The following C12orf56 variants were observed in gnomAD, a reference collection of about 807,000 sequenced individuals.
C12orf56 encodes the protein uncharacterized protein C12orf56.
A neutral mutation model predicts 69.9 loss-of-function variants in C12orf56; 71 were observed. The ratio of observed to expected loss-of-function variants is 1.02; its 90% CI spans 0.84 to 1.24. C12orf56 has a LOEUF of 1.24. Among genes scored for constraint, C12orf56 ranks in the 50% most tolerant of loss-of-function variants. The probability of loss-of-function intolerance (pLI) is 0.00; values close to 1 mark genes in which losing one functional copy is unlikely to be tolerated. For synonymous variants in C12orf56, 276 were observed against 274.1 expected (o/e 1.01, Z -0.07); for missense variants, 732 against 738.5 (o/e 0.99, Z 0.10).
chr12:64,353,066 A>T lies in C12orf56; in HGVS notation c.253-10T>A, dbSNP rs371390235. ...CCGGGTAATCATCAATCTGGAAAAA[A>T]AATTAATTCACCTCATTGAAGACAA... On this transcript the variant is annotated splice_polypyrimidine_tract_variant and intron_variant, in intron 1 of 12. Coordinates refer to ENST00000543942, the MANE Select transcript of C12orf56 (RefSeq NM_001170633.2). The T allele has an allele frequency of 1.9e-6, 3 of 1,610,046 alleles. No homozygotes were observed. The African/African-American group carries it at 4.0e-5, about 22-fold the overall frequency.
At chr12:64,307,851 T>C (rs1210262096) in intron 5 of C12orf56, among the ~76,000 whole-genome samples, 1 of 150,898 alleles carries the variant, frequency 6.6e-6, no homozygotes, top group Non-Finnish European at 1.5e-5. Flanking sequence ...AATAAATAAA[T>C]AAATTAATTA....
At chr12:64,270,406 GAACA>G (rs2037968735) in intron 12 of C12orf56, 126 bp downstream of exon 12, 8 of 880,642 alleles carry the variant, frequency 9.1e-6, no homozygotes, top group Middle Eastern at 3.6e-4. Flanking sequence ...ATCTCAAAAA[GAACA>G]AACAAACAAA....
chr12:64,324,985 A>G (rs1459083913), intron 3 of C12orf56, among the ~76,000 whole-genome samples: 3 of 152,170 alleles, frequency 2.0e-5, no homozygotes, highest in Non-Finnish European at 4.4e-5. Flanking sequence ...TCATCTAGGT[A>G]GCTACCAAAA....
At position 64,318,512 on chromosome 12, in the gene C12orf56, T is replaced by G. The variant is rs553950531; in HGVS notation, c.894+63A>C. The G allele has an allele frequency of 4.4e-6, 6 of 1,365,140 alleles. No homozygotes were observed. In the East Asian group the frequency reaches 1.5e-4, roughly 34 times the overall value. The allele number at this position is 1,365,140 out of a possible 1,614,324, so 84.6% of individuals were successfully genotyped here. A position where few individuals can be genotyped will look rare whatever the true frequency, so the allele number is the denominator to read the frequency against. On this transcript the variant is annotated intron_variant, in intron 4 of 12. Transcript: ENST00000543942. ...GGGAGGTAAAGGAGGGAGGAGGGCT[T>G]GTTTGCTCTAAAAAATAAAAATATA...
At chr12:64,341,715 C>A (rs7488541) in intron 2 of C12orf56, among the ~76,000 whole-genome samples, 2,136 of 152,258 alleles carry the variant, frequency 0.014, 52 homozygotes, top group African/African-American at 0.049. Flanking sequence ...CTGATGAGGA[C>A]AAACCTCTGC....
chr12:64,379,408 CTG>C (rs2039682241), intron 1 of C12orf56, among the ~76,000 whole-genome samples: 1 of 151,988 alleles, frequency 6.6e-6, no homozygotes, highest in Admixed American at 6.6e-5. Flanking sequence ...CCTCAGCCTC[CTG>C]CGTAGCTGGG....
chr12:64,313,285 A>AGAAG (rs2038646733), intron 4 of C12orf56, among the ~76,000 whole-genome samples: 3 of 149,816 alleles, frequency 2.0e-5, no homozygotes, highest in African/African-American at 7.3e-5. Flanking sequence ...AAAGAAAGAA[A>AGAAG]GAAAGAAAGA....
Position 64,371,932 on chromosome 12 carries a change from C to T in C12orf56, c.252+18382G>A, listed in dbSNP as rs556664959. On this transcript the variant is annotated intron_variant, in intron 1 of 12. Transcript: ENST00000543942. Reference sequence around the variant, plus strand: ...TTTTTTTTTTTTTTTTTTGCACGCACCACCACATGCAGCTAATTTTTGTAT... The same window carrying T: ...TTTTTTTTTTTTTTTTTTGCACGCATCACCACATGCAGCTAATTTTTGTAT... Among the ~76,000 whole-genome samples the T allele has an allele frequency of 4.9e-4, 73 of 147,496 alleles. No homozygotes were observed. In the South Asian group the frequency reaches 0.015, roughly 30 times the overall value.
intron 2 of C12orf56, chr12:64,338,800 A>G: frequency 8.2e-7 from 1 of 1,221,170 alleles, no homozygotes; most frequent in Non-Finnish European, 1.2e-6. Flanking sequence ...CCATGGTGAG[A>G]GCAAAGCTAG....
rs377465987 is a variant in C12orf56, at chr12:64,390,493, G to C, written c.73C>G (p.Leu25Val). 1.5e-5 allele frequency: 24 copies of C among 1,602,234 alleles called. No individual in the cohort carries two copies. The highest frequency in any genetic ancestry group is 8.0e-5 in the African/African-American group (6 of 74,908). Residue 25 changes from leucine to valine, a missense_variant, in exon 1 of 13, where the codon CTG (leucine) becomes GTG (valine). Leu to Val is a conservative substitution (Grantham distance 32). Coordinates refer to ENST00000543942, the MANE Select transcript of C12orf56 (RefSeq NM_001170633.2). ...SRLDVFLRRH[L>V]PPEVYDAVRA... ...ACCGCGTCGTAGACCTCGGGCGGCAGATGCCGCCGCAGGAACACATCCAGG... is the reference window on the plus strand; with the variant it reads ...ACCGCGTCGTAGACCTCGGGCGGCACATGCCGCCGCAGGAACACATCCAGG...
intron 1 of C12orf56, among the ~76,000 whole-genome samples, chr12:64,369,957 T>C (rs1005050575): frequency 7.0e-6 from 1 of 142,330 alleles, no homozygotes; most frequent in African/African-American, 2.6e-5. Flanking sequence ...CACTCCAGCC[T>C]GGGAGATAGC....
At chr12:64,272,764 T>C (rs548363020) in intron 11 of C12orf56, among the ~76,000 whole-genome samples, 2 of 152,218 alleles carry the variant, frequency 1.3e-5, no homozygotes, top group Admixed American at 1.3e-4. Context: ...TTCTGTGAAA[T>C]GGTCTGAGAT....
chr12:64,363,923 A>C (rs1179783580), intron 1 of C12orf56, among the ~76,000 whole-genome samples: 1 of 152,104 alleles, frequency 6.6e-6, no homozygotes, highest in Non-Finnish European at 1.5e-5. Flanking sequence ...ATTTCCTCAA[A>C]TAGATAACTC....
intron 1 of C12orf56, among the ~76,000 whole-genome samples, chr12:64,353,838 C>T (rs1289486911): frequency 1.3e-5 from 2 of 152,084 alleles, no homozygotes; most frequent in African/African-American, 4.8e-5. Context: ...CCTGCGATCA[C>T]GCCCAGCTAA....
chr12:64,349,615 G>A (rs1345605205), intron 2 of C12orf56, among the ~76,000 whole-genome samples: 3 of 152,184 alleles, frequency 2.0e-5, no homozygotes, highest in African/African-American at 7.2e-5. Flanking sequence ...CAACCCAAAT[G>A]CCCATCAATC....
At chr12:64,328,392 A>G (rs921050821) in intron 3 of C12orf56, among the ~76,000 whole-genome samples, 1 of 151,864 alleles carries the variant, frequency 6.6e-6, no homozygotes, top group Non-Finnish European at 1.5e-5. Context: ...TAACAGTATC[A>G]CACTTTGGCC....
chr12:64,287,270 G>T (rs1436984757), intron 6 of C12orf56, among the ~76,000 whole-genome samples: 2 of 147,520 alleles, frequency 1.4e-5, no homozygotes, highest in Non-Finnish European at 1.5e-5. Context: ...AAAAGAAGAA[G>T]AAGAAGAAGA....
chr12:64,299,869 C>A (rs185089644), intron 6 of C12orf56, among the ~76,000 whole-genome samples: 1 of 151,772 alleles, frequency 6.6e-6, no homozygotes, highest in Non-Finnish European at 1.5e-5. Flanking sequence ...TTGTTCAACT[C>A]GGTAGCTACT....
At chr12:64,384,462 G>A (rs1223980170) in intron 1 of C12orf56, among the ~76,000 whole-genome samples, 1 of 152,126 alleles carries the variant, frequency 6.6e-6, no homozygotes, top group Non-Finnish European at 1.5e-5. Flanking sequence ...TGTCACCAAG[G>A]ATAAAACTAG....
Sources: gnomAD v4.1 joint callset for allele counts (sites outside exome capture counted in the v4.1 genomes callset) on GRCh38, gnomAD v4.1.1 for gene constraint, MANE v1.5 for transcripts, NCBI Gene and HGNC (gene_info 2026-07-23, HGNC 2026-07-21) for gene names.